Variants in VEGFC observed in about 807,000 individuals in gnomAD.
VEGFC encodes the protein vascular endothelial growth factor C, also known as FLT4 ligand DHM.
In VEGFC, 12 loss-of-function variants were observed where a neutral mutation model predicts 46.1. That is an observed-to-expected ratio of 0.26 (90% CI 0.17 to 0.42). The LOEUF (loss-of-function observed/expected upper bound fraction) is 0.42. Among genes scored for constraint, VEGFC ranks in the 10% least tolerant of loss-of-function variants. The pLI is 1.00. For missense variants in VEGFC, 488 were observed against 529.4 expected (o/e 0.92, Z 0.77); for synonymous variants, 232 against 195.5 (o/e 1.19, Z -1.56).
chr4:176,771,547 G>T (rs1184525423), intron 1 of VEGFC, among the ~76,000 whole-genome samples: 1 of 152,122 alleles, frequency 6.6e-6, no homozygotes, highest in Admixed American at 6.6e-5. Context: ...TGCACTAAAT[G>T]CATTTTTGTG....
At chr4:176,699,132 C>T (rs1734379174) in intron 4 of VEGFC, among the ~76,000 whole-genome samples, 1 of 152,174 alleles carries the variant, frequency 6.6e-6, no homozygotes, top group Non-Finnish European at 1.5e-5. Flanking sequence ...AGGTTTTTCA[C>T]AACAACACAA....
chr4:176,696,074 A>G (rs1369211803), intron 4 of VEGFC, among the ~76,000 whole-genome samples: 2 of 149,362 alleles, frequency 1.3e-5, no homozygotes, highest in African/African-American at 2.5e-5. Flanking sequence ...AAACTGGCAC[A>G]AGACAGGGAT....
Position 176,748,960 on chromosome 4 carries a change from T to G in VEGFC, c.148-19214A>C, listed in dbSNP as rs560005721. On this transcript the variant is annotated intron_variant, in intron 1 of 6. Coordinates refer to ENST00000618562, the MANE Select transcript of VEGFC (RefSeq NM_005429.5). ...ATGGAATATAAAATAAAAATTTATGTAAATGATGGGTAAACATATATAACA... is the reference window on the plus strand; with the variant it reads ...ATGGAATATAAAATAAAAATTTATGGAAATGATGGGTAAACATATATAACA... Among the ~76,000 whole-genome samples, 12 of 152,068 alleles carry G rather than the reference T, an allele frequency of 7.9e-5. No individual in the cohort carries two copies. The East Asian group carries it at 2.3e-3, about 29-fold the overall frequency.
intron 1 of VEGFC, among the ~76,000 whole-genome samples, chr4:176,762,885 C>G (rs1735555156): frequency 6.6e-6 from 1 of 152,196 alleles, no homozygotes; most frequent in Non-Finnish European, 1.5e-5. Flanking sequence ...CTTAAAGAGT[C>G]TAATAGTAGT....
intron 1 of VEGFC, among the ~76,000 whole-genome samples, chr4:176,773,675 T>C (rs1332565336): frequency 2.6e-5 from 4 of 151,980 alleles, no homozygotes; most frequent in Admixed American, 6.6e-5. Context: ...ATAATTTTCA[T>C]GTGTAGGTTT....
chr4:176,706,762 C>G (rs901278211), intron 4 of VEGFC, among the ~76,000 whole-genome samples: 1 of 150,734 alleles, frequency 6.6e-6, no homozygotes, highest in Admixed American at 6.6e-5. Flanking sequence ...AATTTGCATA[C>G]AATAACATGC....
intron 4 of VEGFC, among the ~76,000 whole-genome samples, chr4:176,698,781 A>G (rs1462113805): frequency 6.6e-6 from 1 of 152,066 alleles, no homozygotes; most frequent in Non-Finnish European, 1.5e-5. Context: ...ACTTTTCTAG[A>G]TTCCATATAT....
At chr4:176,736,909 G>A (rs1327895348) in intron 1 of VEGFC, among the ~76,000 whole-genome samples, 1 of 151,360 alleles carries the variant, frequency 6.6e-6, no homozygotes, top group African/African-American at 2.4e-5. Context: ...ACTACACAGT[G>A]AAGCATAAGT....
At position 176,700,543 on chromosome 4, in the gene VEGFC, G is replaced by A. The variant is rs138732948; in HGVS notation, c.704+10956C>T. On this transcript the variant is annotated intron_variant, in intron 4 of 6. Transcript: ENST00000618562. ...TTGGATATAAAACATGTCACATTGT[G>A]TGGTCACCAACTGGCTAAGTACAGG... Among the ~76,000 whole-genome samples the A allele has an allele frequency of 2.5e-3, 376 of 152,266 alleles. 1 individual carries two copies. Among genetic ancestry groups the A allele is most frequent in the African/African-American group, 6.1e-3 (253 of 41,556 alleles).
chr4:176,700,837 T>C (rs1301698530), intron 4 of VEGFC, among the ~76,000 whole-genome samples: 3 of 152,128 alleles, frequency 2.0e-5, no homozygotes, highest in Non-Finnish European at 2.9e-5. Flanking sequence ...GTCACAGCCA[T>C]ACGTCATTAA....
At chr4:176,727,064 C>G (rs1404025207) in intron 3 of VEGFC, among the ~76,000 whole-genome samples, 1 of 152,196 alleles carries the variant, frequency 6.6e-6, no homozygotes, top group Non-Finnish European at 1.5e-5. Context: ...TCAAACAACA[C>G]TTTCATGGTT....
intron 1 of VEGFC, among the ~76,000 whole-genome samples, chr4:176,769,285 A>C (rs1030977665): frequency 1.3e-5 from 2 of 152,080 alleles, no homozygotes; most frequent in Admixed American, 1.3e-4. Flanking sequence ...GGCTGAACAA[A>C]CTAAGACACC....
intron 1 of VEGFC, among the ~76,000 whole-genome samples, chr4:176,776,131 A>C (rs2110935537): frequency 6.6e-6 from 1 of 152,364 alleles, no homozygotes; most frequent in South Asian, 2.1e-4. Flanking sequence ...TCCATAATCG[A>C]GGCAACATAT....
intron 1 of VEGFC, among the ~76,000 whole-genome samples, chr4:176,731,822 A>G (rs1734970007): frequency 6.6e-6 from 1 of 152,060 alleles, no homozygotes; most frequent in South Asian, 2.1e-4. Context: ...TCAATTAAGT[A>G]TTATTTGAAG....
At chr4:176,762,310 G>C (rs992977219) in intron 1 of VEGFC, among the ~76,000 whole-genome samples, 3 of 152,136 alleles carry the variant, frequency 2.0e-5, no homozygotes, top group Non-Finnish European at 4.4e-5. Flanking sequence ...AGATTGGTGG[G>C]TTTAATGCCT....
At chr4:176,725,047 T>A (rs940142822) in intron 3 of VEGFC, among the ~76,000 whole-genome samples, 20 of 152,218 alleles carry the variant, frequency 1.3e-4, no homozygotes, top group African/African-American at 4.6e-4. Context: ...GTATATTTTT[T>A]AAAAAGCTGC....
At chr4:176,693,356 C>A in intron 4 of VEGFC, among the ~76,000 whole-genome samples, 1 of 135,122 alleles carries the variant, frequency 7.4e-6, no homozygotes, top group African/African-American at 3.6e-5. Context: ...CCGATGCAAT[C>A]AACTGGAAGA....
intron 1 of VEGFC, among the ~76,000 whole-genome samples, chr4:176,780,045 T>C (rs1735885021): frequency 6.6e-6 from 1 of 152,196 alleles, no homozygotes. Context: ...TTCTTAGTAA[T>C]GGCAACTGAT....
intron 1 of VEGFC, among the ~76,000 whole-genome samples, chr4:176,788,348 A>G (rs1219784166): frequency 6.6e-6 from 1 of 152,222 alleles, no homozygotes; most frequent in Non-Finnish European, 1.5e-5. Context: ...AAATAAATGC[A>G]ACAAGGTGCC....
Sources: gnomAD v4.1 joint callset for allele counts (sites outside exome capture counted in the v4.1 genomes callset) on GRCh38, gnomAD v4.1.1 for gene constraint, MANE v1.5 for transcripts, NCBI Gene and HGNC (gene_info 2026-07-23, HGNC 2026-07-21) for gene names.